Variants in KCNH1 observed in about 807,000 individuals in gnomAD.
KCNH1 encodes the protein potassium voltage-gated channel subfamily H member 1, also known as voltage-gated delayed rectifier potassium channel KCNH1.
In KCNH1, 27 loss-of-function variants were observed where a neutral mutation model predicts 69.2. The ratio of observed to expected loss-of-function variants is 0.39; its 90% CI spans 0.29 to 0.54. The LOEUF (loss-of-function observed/expected upper bound fraction) is 0.54. Among genes scored for constraint, KCNH1 ranks in the 20% least tolerant of loss-of-function variants. The probability of loss-of-function intolerance (pLI) is 0.68; values close to 1 mark genes in which losing one functional copy is unlikely to be tolerated. For synonymous variants in KCNH1, 456 were observed against 487.7 expected (o/e 0.93, Z 0.86); for missense variants, 798 against 1,261.6 (o/e 0.63, Z 5.57).
At chr1:210,720,059 A>T (rs909541781) in intron 10 of KCNH1, among the ~76,000 whole-genome samples, 1 of 152,216 alleles carries the variant, frequency 6.6e-6, no homozygotes, top group Non-Finnish European at 1.5e-5. Flanking sequence ...ATTGCAGTAC[A>T]CTGGGAACAT....
intron 5 of KCNH1, among the ~76,000 whole-genome samples, chr1:211,045,850 C>T (rs78773277): frequency 0.016 from 2,411 of 152,216 alleles, 53 homozygotes; most frequent in African/African-American, 0.054. Flanking sequence ...TTGCCCTCCC[C>T]GCAGTCCCTG....
intron 5 of KCNH1, among the ~76,000 whole-genome samples, chr1:211,046,069 TA>T (rs1287421152): frequency 7.9e-5 from 12 of 152,226 alleles, no homozygotes; most frequent in Non-Finnish European, 1.8e-4. Flanking sequence ...CCTATTTCTT[TA>T]TTCACGTAAT....
intron 5 of KCNH1, among the ~76,000 whole-genome samples, chr1:211,029,183 A>C (rs1304465713): frequency 6.7e-6 from 1 of 149,742 alleles, no homozygotes; most frequent in African/African-American, 2.4e-5. Context: ...AAAAAAAAAA[A>C]AAGGTCAGGG....
At chr1:210,692,453 G>A (rs1296829571) in intron 10 of KCNH1, among the ~76,000 whole-genome samples, 1 of 152,104 alleles carries the variant, frequency 6.6e-6, no homozygotes, top group Non-Finnish European at 1.5e-5. Flanking sequence ...ATTTCACTAG[G>A]GGCCACATTT....
intron 8 of KCNH1, among the ~76,000 whole-genome samples, chr1:210,802,940 C>T (rs1178076924): frequency 1.3e-5 from 2 of 152,028 alleles, no homozygotes; most frequent in African/African-American, 4.8e-5. Flanking sequence ...AAGAGTAACT[C>T]CTTAAAAAAA....
At chr1:211,046,094 A>G (rs1248095251) in intron 5 of KCNH1, among the ~76,000 whole-genome samples, 1 of 152,206 alleles carries the variant, frequency 6.6e-6, no homozygotes, top group Non-Finnish European at 1.5e-5. Context: ...ACAAATATAC[A>G]AAATAATGCA....
intron 10 of KCNH1, among the ~76,000 whole-genome samples, chr1:210,709,405 A>T (rs1215243004): frequency 6.6e-6 from 1 of 152,190 alleles, no homozygotes; most frequent in Non-Finnish European, 1.5e-5. Flanking sequence ...ATTCTTCCTC[A>T]CAAGCTTCAG....
chr1:211,082,094 T>A (rs116076519), intron 5 of KCNH1, among the ~76,000 whole-genome samples: 1,841 of 152,296 alleles, frequency 0.012, 32 homozygotes, highest in African/African-American at 0.041. Context: ...CTTCCTAGCC[T>A]CTTACTTGCC....
intron 7 of KCNH1, among the ~76,000 whole-genome samples, chr1:210,813,102 C>T (rs940511220): frequency 2.0e-5 from 3 of 152,154 alleles, no homozygotes; most frequent in Non-Finnish European, 4.4e-5. Context: ...CATAGAGACT[C>T]CTGATGTTAT....
chr1:210,730,392 G>A (rs1682715810), intron 10 of KCNH1, among the ~76,000 whole-genome samples: 2 of 152,084 alleles, frequency 1.3e-5, no homozygotes, highest in Admixed American at 1.3e-4. Flanking sequence ...CTCTTGACAG[G>A]GGAGGTTAAA....
At chr1:210,954,159 G>A (rs932358733) in intron 6 of KCNH1, among the ~76,000 whole-genome samples, 10 of 151,964 alleles carry the variant, frequency 6.6e-5, no homozygotes, top group Non-Finnish European at 1.3e-4. Flanking sequence ...TGCGGTGTTT[G>A]GTTTTCTGTC....
At chr1:210,715,653 A>C (rs1682212651) in intron 10 of KCNH1, among the ~76,000 whole-genome samples, 1 of 152,222 alleles carries the variant, frequency 6.6e-6, no homozygotes, top group Non-Finnish European at 1.5e-5. Context: ...AATTGTTATA[A>C]ATAATCATGA....
intron 6 of KCNH1, among the ~76,000 whole-genome samples, chr1:210,952,049 T>C (rs1273234298): frequency 6.6e-6 from 1 of 152,170 alleles, no homozygotes; most frequent in African/African-American, 2.4e-5. Context: ...CATCTTCCTG[T>C]GTGACATTTC....
chr1:210,689,430 CTTGCTGGTGTCCT>C (rs1681481637), intron 10 of KCNH1, among the ~76,000 whole-genome samples: 1 of 152,208 alleles, frequency 6.6e-6, no homozygotes, highest in South Asian at 2.1e-4. Context: ...GGGGAATGGA[CTTGCTGGTGTCCT>C]GACAGCAAGA....
chr1:211,051,779 A>G (rs1044222076), intron 5 of KCNH1, among the ~76,000 whole-genome samples: 16 of 152,190 alleles, frequency 1.1e-4, no homozygotes, highest in African/African-American at 3.9e-4. Context: ...AAGAATCACA[A>G]ATCCTCACAA....
chr1:210,717,460 G>C (rs74156043), intron 10 of KCNH1, among the ~76,000 whole-genome samples: 6,110 of 152,206 alleles, frequency 0.04, 200 homozygotes, highest in East Asian at 0.14. Context: ...GCTGACCAGT[G>C]CTCTCCCTCC....
intron 7 of KCNH1, among the ~76,000 whole-genome samples, chr1:210,869,471 C>A (rs1266611531): frequency 6.8e-6 from 1 of 146,204 alleles, no homozygotes; most frequent in Non-Finnish European, 1.5e-5. Flanking sequence ...TGATTTTTCT[C>A]CTAGTTATAA....
intron 6 of KCNH1, among the ~76,000 whole-genome samples, chr1:210,931,260 A>G (rs9782907): frequency 0.61 from 92,912 of 152,058 alleles, 28,830 homozygotes; most frequent in African/African-American, 0.7. Flanking sequence ...ATATGGAACC[A>G]GCCCAAATGT....
intron 5 of KCNH1, among the ~76,000 whole-genome samples, chr1:211,040,017 G>A (rs926534299): frequency 3.9e-5 from 6 of 151,924 alleles, no homozygotes; most frequent in African/African-American, 9.7e-5. Flanking sequence ...GTGAAACCCC[G>A]TCTCTACTAA....
Sources: allele counts gnomAD v4.1 joint callset (sites outside exome capture counted in the v4.1 genomes callset), GRCh38; gene constraint gnomAD v4.1.1; transcripts MANE v1.5; gene names NCBI Gene and HGNC (gene_info 2026-07-23, HGNC 2026-07-21).